The following NOL4 variants were observed in gnomAD, a reference collection of about 807,000 sequenced individuals.
NOL4 encodes cancer/testis antigen 125.
In NOL4, 17 loss-of-function variants were observed where a neutral mutation model predicts 75.9. That is an observed-to-expected ratio of 0.22 (90% CI 0.15 to 0.34). The LOEUF is 0.34. NOL4 is among the 10% of genes least tolerant of loss of function. The probability of loss-of-function intolerance (pLI) is 1.00; values close to 1 mark genes in which losing one functional copy is unlikely to be tolerated. For missense variants in NOL4, 614 were observed against 793.5 expected, an observed-to-expected ratio of 0.77 and a Z score of 2.72; for synonymous variants, 292 against 289.9, an observed-to-expected ratio of 1.01 and a Z score of -0.07.
chr18:33,855,423 G>C (rs1008850157), intron 10 of NOL4, among the ~76,000 whole-genome samples: 5 of 152,002 alleles, frequency 3.3e-5, no homozygotes, highest in African/African-American at 1.2e-4. Context: ...AAGTATTCTT[G>C]GAGACCTGCT....
At chr18:33,929,904 C>T (rs2067577033) in intron 9 of NOL4, among the ~76,000 whole-genome samples, 1 of 152,044 alleles carries the variant, frequency 6.6e-6, no homozygotes, top group Non-Finnish European at 1.5e-5. Context: ...TCATTAAAAA[C>T]TTATCTTTCA....
At chr18:34,127,342 G>A (rs971873325) in intron 2 of NOL4, among the ~76,000 whole-genome samples, 1 of 151,932 alleles carries the variant, frequency 6.6e-6, no homozygotes, top group Admixed American at 6.6e-5. Flanking sequence ...TGATAATATT[G>A]TTAAGACAGT....
chr18:33,888,421 A>C (rs187647305), intron 9 of NOL4, among the ~76,000 whole-genome samples: 2 of 152,154 alleles, frequency 1.3e-5, no homozygotes, highest in Non-Finnish European at 2.9e-5. Flanking sequence ...TCTTTAGTTT[A>C]ATTAGATCCC....
chr18:33,954,537 CT>C (rs35246907), intron 8 of NOL4, among the ~76,000 whole-genome samples: 6 of 149,414 alleles, frequency 4.0e-5, no homozygotes, highest in South Asian at 2.1e-4. Flanking sequence ...TATCTGAGAA[CT>C]TTTTTTTTTA....
chr18:33,968,981 T>C (rs1028068921), intron 6 of NOL4, among the ~76,000 whole-genome samples: 24 of 152,180 alleles, frequency 1.6e-4, no homozygotes, highest in Non-Finnish European at 3.1e-4. Context: ...ACAGTTTATG[T>C]TTTTTACTGT....
intron 5 of NOL4, among the ~76,000 whole-genome samples, chr18:34,046,819 G>A (rs944686269): frequency 6.6e-6 from 1 of 151,134 alleles, no homozygotes; most frequent in Non-Finnish European, 1.5e-5. Context: ...ATCTATGAAG[G>A]GAGATAAGCT....
intron 1 of NOL4, among the ~76,000 whole-genome samples, chr18:34,174,931 T>A (rs1057278482): frequency 3.3e-5 from 5 of 152,124 alleles, no homozygotes; most frequent in African/African-American, 4.8e-5. Context: ...CTATCACTGA[T>A]GGACATTTGG....
chr18:34,022,111 A>C (rs184550419), intron 5 of NOL4, among the ~76,000 whole-genome samples: 234 of 151,580 alleles, frequency 1.5e-3, no homozygotes, highest in African/African-American at 5.3e-3. Context: ...TCTCAAAAAA[A>C]ATAAATAAAT....
rs2037459796 is a variant in NOL4, at chr18:34,223,494, C to T, written c.-241G>A. ...TCGTAATTGCAACGGCTGTCTCGGACGTTTTTCCTGTTCCCTTAGCGGTCG... is the reference window on the plus strand; with the variant it reads ...TCGTAATTGCAACGGCTGTCTCGGATGTTTTTCCTGTTCCCTTAGCGGTCG... On this transcript the variant is annotated 5_prime_UTR_variant, in exon 1 of 11. Transcript: ENST00000261592. 3.4e-6 allele frequency: 2 copies of T among 584,042 alleles called. No individual in the cohort carries two copies. Among genetic ancestry groups the T allele is most frequent in the Non-Finnish European group, 6.0e-6 (2 of 332,044 alleles). 36.2% of individuals were successfully genotyped at this position (584,042 alleles called of 1,614,324 possible).
chr18:34,130,679 A>C (rs1024256962), intron 1 of NOL4, among the ~76,000 whole-genome samples: 6 of 152,142 alleles, frequency 3.9e-5, no homozygotes, highest in African/African-American at 1.4e-4. Flanking sequence ...AGAGCCCACT[A>C]CACAAAACTG....
At chr18:34,027,383 T>C (rs981519675) in intron 5 of NOL4, among the ~76,000 whole-genome samples, 5 of 152,198 alleles carry the variant, frequency 3.3e-5, no homozygotes, top group Non-Finnish European at 7.3e-5. Context: ...TGGGGGTTAA[T>C]GTCTGGAGGT....
chr18:33,907,076 C>G (rs2066095576), intron 9 of NOL4, among the ~76,000 whole-genome samples: 1 of 152,070 alleles, frequency 6.6e-6, no homozygotes, highest in African/African-American at 2.4e-5. Flanking sequence ...GTAATCCCAG[C>G]ACTTTGGGAG....
intron 1 of NOL4, among the ~76,000 whole-genome samples, chr18:34,197,696 G>T (rs139128956): frequency 1.3e-5 from 2 of 150,868 alleles, no homozygotes; most frequent in Non-Finnish European, 3.0e-5. Flanking sequence ...AAGTTAATTC[G>T]GTGGAGAGGG....
chr18:34,104,017 G>A (rs1021981198), intron 4 of NOL4, 30 bp downstream of exon 4: 1 of 1,413,810 alleles, frequency 7.1e-7, no homozygotes, highest in Admixed American at 1.7e-5. Context: ...CAATTTGTAA[G>A]TAATACAAAT....
At chr18:34,004,588 T>G (rs1465066795) in intron 6 of NOL4, among the ~76,000 whole-genome samples, 1 of 152,100 alleles carries the variant, frequency 6.6e-6, no homozygotes, top group African/African-American at 2.4e-5. Context: ...CAAACCTATG[T>G]TGATGATTAT....
intron 10 of NOL4, among the ~76,000 whole-genome samples, chr18:33,881,856 G>C (rs1393922450): frequency 6.6e-6 from 1 of 152,018 alleles, no homozygotes; most frequent in African/African-American, 2.4e-5. Flanking sequence ...CCAAAACAGA[G>C]ATATAGATCA....
intron 1 of NOL4, among the ~76,000 whole-genome samples, chr18:34,184,384 G>T (rs895201540): frequency 7.2e-5 from 11 of 151,910 alleles, no homozygotes; most frequent in Non-Finnish European, 1.5e-4. Context: ...TAATATAATG[G>T]AATATGGAAA....
At chr18:33,894,745 C>T (rs1204670755) in intron 9 of NOL4, among the ~76,000 whole-genome samples, 2 of 152,086 alleles carry the variant, frequency 1.3e-5, no homozygotes, top group Admixed American at 1.3e-4. Flanking sequence ...AAGGTTTGAT[C>T]TCACTTATAT....
intron 10 of NOL4, among the ~76,000 whole-genome samples, chr18:33,872,588 G>A (rs1316234532): frequency 6.6e-6 from 1 of 151,944 alleles, no homozygotes; most frequent in East Asian, 1.9e-4. Flanking sequence ...TGTGAATAAG[G>A]TGAGAAGAGT....
Sources: gnomAD v4.1 joint callset for allele counts (sites outside exome capture counted in the v4.1 genomes callset) on GRCh38, gnomAD v4.1.1 for gene constraint, MANE v1.5 for transcripts, NCBI Gene and HGNC (gene_info 2026-07-23, HGNC 2026-07-21) for gene names.